Variants in NSL1 observed in about 807,000 individuals in gnomAD.
The protein encoded by NSL1 is kinetochore-associated protein NSL1 homolog.
Under a neutral mutation model 25.4 loss-of-function variants are expected in NSL1, and 11 were observed. The observed-to-expected ratio is 0.43, with a 90% CI of 0.27 to 0.72. The LOEUF (loss-of-function observed/expected upper bound fraction) is 0.72. Ranked by LOEUF, NSL1 falls within the 30% of genes least tolerant of loss-of-function variation. The pLI is 0.19. For synonymous variants in NSL1, 118 were observed against 120.6 expected (o/e 0.98, Z 0.14); for missense variants, 330 against 342.7 (o/e 0.96, Z 0.29).
chr1:212,747,128 C>CAA lies in NSL1; in HGVS notation c.500-7529_500-7528dup, dbSNP rs138411233. On this transcript the variant is annotated intron_variant, in intron 4 of 5. Coordinates refer to ENST00000366977, the MANE Select transcript of NSL1 (RefSeq NM_015471.4). ...CTGCACTCCAGCCTGGGCGACAGAG[C>CAA]AAAAAAAAAAAAAAAAGATGGCCCC... 1.7e-3 allele frequency among the ~76,000 whole-genome samples: 223 copies of CAA among 128,236 alleles called. 1 individual carries two copies. In the East Asian group the frequency reaches 0.02, roughly 12 times the overall value. 84.1% of individuals were successfully genotyped at this position (128,236 alleles called of 152,430 possible).
chr1:212,756,645 C>A (rs576564001), intron 4 of NSL1, among the ~76,000 whole-genome samples: 154 of 152,062 alleles, frequency 1.0e-3, no homozygotes, highest in African/African-American at 3.5e-3. Flanking sequence ...TATGGTGAAA[C>A]CTTGTCTCTA....
chr1:212,790,448 C>T (rs925950551), intron 1 of NSL1, among the ~76,000 whole-genome samples: 1 of 152,144 alleles, frequency 6.6e-6, no homozygotes, highest in African/African-American at 2.4e-5. Context: ...ATTTCCCAAG[C>T]CTTTCTTAAA....
At chr1:212,773,563 G>A (rs1215781394) in intron 4 of NSL1, among the ~76,000 whole-genome samples, 3 of 152,046 alleles carry the variant, frequency 2.0e-5, no homozygotes, top group Non-Finnish European at 2.9e-5. Flanking sequence ...TGAAGAAAAG[G>A]GAACTTTTAG....
In NSL1 at chr1:212,784,409, A is replaced by G; in HGVS notation, c.398T>C (p.Ile133Thr). The stretch of plus-strand genomic sequence containing the variant: ...TATGGTTTTGATGACACATTCCAGG[A>G]TCTTTCTGGGATACTGCTTACGTTT... ...ATKRKQYPRK[I>T]LECVIKTIKA... is the part of the protein sequence containing the mutation. Residue 133 changes from isoleucine to threonine, a missense_variant, in exon 3 of 6, where the codon ATC becomes ACC. Transcript: ENST00000366977. 6.3e-7 allele frequency: 1 copy of G among 1,597,394 alleles called. No homozygotes were observed. Among genetic ancestry groups the G allele is most frequent in the Non-Finnish European group, 8.6e-7 (1 of 1,169,174 alleles).
intron 4 of NSL1, among the ~76,000 whole-genome samples, chr1:212,777,374 A>AC (rs1238774292): frequency 2.6e-5 from 4 of 151,884 alleles, no homozygotes; most frequent in Non-Finnish European, 5.9e-5. Context: ...CCTGCCTCAA[A>AC]AAAAAAAAGG....
At position 212,781,953 on chromosome 1, in the gene NSL1, A is replaced by G. The variant is rs1038817421; in HGVS notation, c.499+419T>C. ...ATACTTATTTCTTCTTAAATTCAATATATTTTTATTTGATTTTAGAAATAA... is the reference window on the plus strand; with the variant it reads ...ATACTTATTTCTTCTTAAATTCAATGTATTTTTATTTGATTTTAGAAATAA... On this transcript the variant is annotated intron_variant, in intron 4 of 5. Coordinates refer to ENST00000366977, the MANE Select transcript of NSL1 (RefSeq NM_015471.4). The G allele has an allele frequency of 1.0e-4, 42 of 414,380 alleles. 1 individual carries two copies. The Admixed American group carries it at 1.1e-3, about 11-fold the overall frequency. The allele number at this position is 414,380 out of a possible 1,614,324, so 25.7% of individuals were successfully genotyped here.
At chr1:212,747,858 T>G (rs555074591) in intron 4 of NSL1, among the ~76,000 whole-genome samples, 1 of 151,490 alleles carries the variant, frequency 6.6e-6, no homozygotes, top group African/African-American at 2.4e-5. Context: ...CTCTGCCTCC[T>G]GGTTCAAGTG....
At chr1:212,755,129 A>G (rs1659244236) in intron 4 of NSL1, among the ~76,000 whole-genome samples, 1 of 152,248 alleles carries the variant, frequency 6.6e-6, no homozygotes, top group Non-Finnish European at 1.5e-5. Context: ...AGTATAACCA[A>G]TGTCAGGGAG....
At chr1:212,777,726 A>C (rs1571911635) in intron 4 of NSL1, among the ~76,000 whole-genome samples, 1 of 152,224 alleles carries the variant, frequency 6.6e-6, no homozygotes, top group Non-Finnish European at 1.5e-5. Flanking sequence ...GACACAAAGA[A>C]AGTTTCAACT....
chr1:212,782,399 G>A lies in NSL1; in HGVS notation c.472C>T (p.Leu158=), dbSNP rs922081719. 1.2e-6 allele frequency: 2 copies of A among 1,611,494 alleles called. No homozygotes were observed. The highest frequency in any genetic ancestry group is 8.5e-7 in the Non-Finnish European group (1 of 1,177,634). ...LKQYHPVVHP[L]DLKYDPDPAP... is the part of the protein sequence containing the mutation. ...GGATCAGGGTCATATTTTAGGTCCA[G>A]TGGATGTACAACAGGGTGGTACTGC... Residue 158 remains leucine (L), a synonymous_variant, in exon 4 of 6, where the codon CTG becomes TTG. Coordinates refer to ENST00000366977, the MANE Select transcript of NSL1 (RefSeq NM_015471.4).
At chr1:212,786,112 C>T (rs6671866) in intron 2 of NSL1, among the ~76,000 whole-genome samples, 27,005 of 136,108 alleles carry the variant, frequency 0.2, 2,719 homozygotes, top group African/African-American at 0.29. Context: ...TTCCTCCCTC[C>T]TTCTTTCCTA....
At chr1:212,767,812 T>C (rs1659891244) in intron 4 of NSL1, among the ~76,000 whole-genome samples, 2 of 151,844 alleles carry the variant, frequency 1.3e-5, no homozygotes, top group Non-Finnish European at 2.9e-5. Context: ...AACAAACATA[T>C]GAAAAAAATG....
In NSL1 at chr1:212,731,326, C is replaced by G. The variant is rs1658006941; in HGVS notation, c.*7082G>C. On this transcript the variant is annotated 3_prime_UTR_variant, in exon 6 of 6. Coordinates refer to ENST00000366977, the MANE Select transcript of NSL1 (RefSeq NM_015471.4). ...ATCCCAGCACTTTGGGAAGCTGAGG[C>G]AGGAGGATGGCTTGAGCCCAGGAAT... 1.0e-6 allele frequency: 1 copy of G among 981,982 alleles called. No individual in the cohort carries two copies. Among genetic ancestry groups the G allele is most frequent in the African/African-American group, 1.8e-5 (1 of 57,132 alleles). 60.8% of individuals were successfully genotyped at this position (981,982 alleles called of 1,614,324 possible).
In NSL1 at chr1:212,728,512, C is replaced by G. The variant is rs549737221; in HGVS notation, c.*9896G>C. 3 of 985,336 alleles carry G rather than the reference C, an allele frequency of 3.0e-6. No individual in the cohort carries two copies. The Admixed American group carries it at 1.8e-4, about 61-fold the overall frequency. The allele number at this position is 985,336 out of a possible 1,614,324, so 61.0% of individuals were successfully genotyped here. ...GAATTGTGAGCTCATATAGCTGGAACAAATCTGACATTGTTGGTTTGTTCA... is the reference window on the plus strand; with the variant it reads ...GAATTGTGAGCTCATATAGCTGGAAGAAATCTGACATTGTTGGTTTGTTCA... On this transcript the variant is annotated 3_prime_UTR_variant, in exon 6 of 6. Coordinates refer to ENST00000366977, the MANE Select transcript of NSL1 (RefSeq NM_015471.4).
intron 4 of NSL1, among the ~76,000 whole-genome samples, chr1:212,761,784 T>C (rs888861767): frequency 6.6e-6 from 1 of 151,868 alleles, no homozygotes; most frequent in Non-Finnish European, 1.5e-5. Context: ...CAAAGAGATA[T>C]CATTTTAAAA....
chr1:212,775,037 C>T (rs970222343), intron 4 of NSL1, among the ~76,000 whole-genome samples: 1 of 152,046 alleles, frequency 6.6e-6, no homozygotes, highest in Non-Finnish European at 1.5e-5. Context: ...TAGTATATGT[C>T]CATACAATGG....
chr1:212,757,159 T>C (rs1659353736), intron 4 of NSL1, among the ~76,000 whole-genome samples: 1 of 152,108 alleles, frequency 6.6e-6, no homozygotes, highest in African/African-American at 2.4e-5. Flanking sequence ...TCTTGGTATG[T>C]CCTGAAATAG....
chr1:212,754,070 T>A (rs1326067763), intron 4 of NSL1, among the ~76,000 whole-genome samples: 1 of 152,108 alleles, frequency 6.6e-6, no homozygotes, highest in East Asian at 1.9e-4. Flanking sequence ...CCAGATCACC[T>A]AAGGGAATGC....
chr1:212,729,502 G>C lies in NSL1; in HGVS notation c.*8906C>G, dbSNP rs974935498. 1.0e-6 allele frequency: 1 copy of C among 985,186 alleles called. No homozygotes were observed. Among genetic ancestry groups the C allele is most frequent in the Non-Finnish European group, 1.2e-6 (1 of 829,860 alleles). The allele number at this position is 985,186 out of a possible 1,614,324, so 61.0% of individuals were successfully genotyped here. A position where few individuals can be genotyped will look rare whatever the true frequency, so the allele number is the denominator to read the frequency against. ...GAAAGATCCTGAGGCTCTGGAGCTG[G>C]GGTGTATGGGACCTGGAGCAGGGGT... On this transcript the variant is annotated 3_prime_UTR_variant, in exon 6 of 6. Transcript: ENST00000366977.
Sources: allele counts gnomAD v4.1 joint callset (sites outside exome capture counted in the v4.1 genomes callset), GRCh38; gene constraint gnomAD v4.1.1; transcripts MANE v1.5; gene names NCBI Gene and HGNC (gene_info 2026-07-23, HGNC 2026-07-21).